The following ACTN2 variants were observed in gnomAD, a reference collection of about 807,000 sequenced individuals.
ACTN2 encodes the protein actinin alpha 2.
Under a neutral mutation model 113.8 loss-of-function variants are expected in ACTN2, and 39 were observed. The observed-to-expected ratio is 0.34, with a 90% confidence interval of 0.27 to 0.45. The LOEUF (loss-of-function observed/expected upper bound fraction) is 0.45, where lower values mean the gene tolerates loss of function less well. ACTN2 is among the 20% of genes least tolerant of loss of function. The pLI, the probability that ACTN2 is intolerant of heterozygous loss-of-function variation, is 1.00. For missense variants in ACTN2, 992 were observed against 1,177.9 expected (o/e 0.84, Z 2.31); for synonymous variants, 429 against 444.1 (o/e 0.97, Z 0.43).
chr1:236,709,675 A>G (rs1358765069), intron 1 of ACTN2, among the ~76,000 whole-genome samples: 1 of 152,118 alleles, frequency 6.6e-6, no homozygotes. Context: ...GAGAACGCTC[A>G]GCAGCACCCC....
intron 9 of ACTN2, among the ~76,000 whole-genome samples, 192 bp from the exon 10 acceptor site, chr1:236,739,110 T>C (rs541768370): frequency 4.9e-4 from 75 of 152,250 alleles, no homozygotes; most frequent in Non-Finnish European, 9.0e-4. Context: ...TTTGGTATCG[T>C]TGGGGTGATC....
chr1:236,747,579 CT>C (rs1659273431), intron 12 of ACTN2, 87 bp from the exon 13 acceptor site: 1 of 1,193,124 alleles, frequency 8.4e-7, no homozygotes, highest in Non-Finnish European at 1.2e-6. Context: ...TGTTTTTAAA[CT>C]TCCCTGTTAT....
intron 1 of ACTN2, among the ~76,000 whole-genome samples, chr1:236,716,943 C>T (rs1484724617): frequency 1.3e-5 from 2 of 148,624 alleles, no homozygotes; most frequent in Non-Finnish European, 1.5e-5. Context: ...CAAGCTACTT[C>T]CCTGCCTGAG....
At chr1:236,739,051 T>C (rs1385541813) in intron 9 of ACTN2, among the ~76,000 whole-genome samples, 1 of 152,130 alleles carries the variant, frequency 6.6e-6, no homozygotes, top group African/African-American at 2.4e-5. Context: ...AAACGTCACA[T>C]TTTTGTAAGA....
chr1:236,691,896 A>T (rs570149423), intron 1 of ACTN2, among the ~76,000 whole-genome samples: 17 of 152,346 alleles, frequency 1.1e-4, no homozygotes, highest in Admixed American at 3.3e-4. Flanking sequence ...CCCGATGCTA[A>T]AGATGCATAT....
chr1:236,761,207 G>A (rs1419663358), intron 20 of ACTN2, 34 bp downstream of exon 20: 1 of 1,612,926 alleles, frequency 6.2e-7, no homozygotes, highest in Non-Finnish European at 8.5e-7. Flanking sequence ...TGCTTTAGCA[G>A]GAGTCCACTA....
At chr1:236,704,527 C>T (rs370954462) in intron 1 of ACTN2, among the ~76,000 whole-genome samples, 6 of 152,164 alleles carry the variant, frequency 3.9e-5, no homozygotes, top group Non-Finnish European at 7.3e-5. Flanking sequence ...AATGACCAAC[C>T]AACTTAAAAT....
chr1:236,716,863 C>T (rs1658233104), intron 1 of ACTN2, among the ~76,000 whole-genome samples: 1 of 112,284 alleles, frequency 8.9e-6, no homozygotes, highest in African/African-American at 3.4e-5. Flanking sequence ...GAGACAGAGT[C>T]TCACTCTGTC....
At chr1:236,759,866 T>A in intron 19 of ACTN2, 77 bp downstream of exon 19, 5 of 1,393,850 alleles carry the variant, frequency 3.6e-6, no homozygotes, top group Non-Finnish European at 5.1e-6. Context: ...GATGACAAGC[T>A]CAAACCAAGG....
Position 236,686,598 on chromosome 1 carries a change from C to T in ACTN2, c.-76C>T. 2 of 1,467,726 alleles carry T rather than the reference C, an allele frequency of 1.4e-6. No homozygotes were observed. Among genetic ancestry groups the T allele is most frequent in the Non-Finnish European group, 1.8e-6 (2 of 1,108,914 alleles). 90.9% of individuals were successfully genotyped at this position (1,467,726 alleles called of 1,614,324 possible). A position where few individuals can be genotyped will look rare whatever the true frequency, so the allele number is the denominator to read the frequency against. ...GCCCGCCGCCCGCCGCCCGCCGCCT[C>T]CGTGGGTCCGTTTGCCAGTCAGCCC... On this transcript the variant is annotated 5_prime_UTR_variant, in exon 1 of 21. Transcript: ENST00000366578.
intron 6 of ACTN2, among the ~76,000 whole-genome samples, chr1:236,728,436 C>T (rs1219656583): frequency 6.6e-6 from 1 of 152,194 alleles, no homozygotes; most frequent in Non-Finnish European, 1.5e-5. Flanking sequence ...AGCCCCTGTG[C>T]CCGGCCCATC....
intron 1 of ACTN2, among the ~76,000 whole-genome samples, chr1:236,704,168 A>G (rs1657758277): frequency 6.6e-6 from 1 of 152,200 alleles, no homozygotes; most frequent in Admixed American, 6.5e-5. Context: ...GCGTACTGTA[A>G]TTTGAGATCA....
chr1:236,704,070 C>T (rs374735873), intron 1 of ACTN2, among the ~76,000 whole-genome samples: 14 of 152,162 alleles, frequency 9.2e-5, no homozygotes, highest in African/African-American at 1.9e-4. Flanking sequence ...AGGATGCATA[C>T]GGAGTTTTAA....
intron 9 of ACTN2, among the ~76,000 whole-genome samples, 189 bp downstream of exon 9, chr1:236,737,403 T>A: frequency 6.7e-6 from 1 of 148,996 alleles, no homozygotes; most frequent in Non-Finnish European, 1.5e-5. Context: ...ACCTAACTTT[T>A]GGCAAAAACA....
At chr1:236,724,180 G>A (rs75473928) in intron 4 of ACTN2, among the ~76,000 whole-genome samples, 2,340 of 151,146 alleles carry the variant, frequency 0.015, 20 homozygotes, top group Middle Eastern at 0.051. Context: ...TGTGCCGCAC[G>A]TGGTGGGTGG....
chr1:236,696,650 C>G (rs1657509531), intron 1 of ACTN2, among the ~76,000 whole-genome samples: 1 of 150,478 alleles, frequency 6.6e-6, no homozygotes, highest in African/African-American at 2.4e-5. Context: ...AACAACTTTA[C>G]TGCTGTTGTC....
intron 7 of ACTN2, 145 bp from the exon 8 acceptor site, chr1:236,735,490 G>A (rs989711988): frequency 1.6e-5 from 12 of 745,754 alleles, no homozygotes; most frequent in African/African-American, 8.7e-5. Flanking sequence ...CCTGAGGTTC[G>A]GGACCACGGG....
chr1:236,754,423 C>T lies in ACTN2; in HGVS notation c.1974+342C>T, dbSNP rs910726016. Among the ~76,000 whole-genome samples the T allele has an allele frequency of 1.3e-5, 2 of 152,212 alleles. No individual in the cohort carries two copies. The highest frequency in any genetic ancestry group is 2.9e-5 in the Non-Finnish European group (2 of 68,038). The stretch of plus-strand genomic sequence containing the variant: ...ACCATCTATCCCTACAAGGAGGACA[C>T]GTGAAGGCCCACAAATACTTTGCAT... On this transcript the variant is annotated intron_variant, in intron 16 of 20. Coordinates refer to ENST00000366578, the MANE Select transcript of ACTN2 (RefSeq NM_001103.4). The surrounding 1 kb of genome is among the most constrained non-coding windows in gnomAD (Gnocchi z 4.9).
At chr1:236,736,447 C>G in intron 8 of ACTN2, 1 of 668,298 alleles carries the variant, frequency 1.5e-6, no homozygotes, top group South Asian at 2.0e-5. Context: ...GCAAGCTTCT[C>G]TTGTTCCATC....
Sources: allele counts gnomAD v4.1 joint callset (sites outside exome capture counted in the v4.1 genomes callset), GRCh38; gene constraint gnomAD v4.1.1; non-coding constraint Gnocchi (gnomAD v3.1); transcripts MANE v1.5; gene names NCBI Gene and HGNC (gene_info 2026-07-23, HGNC 2026-07-21).